Variants in BAIAP2L2 observed in about 807,000 individuals in gnomAD.
BAIAP2L2 encodes the protein BAR/IMD domain-containing adapter protein 2-like 2.
BAIAP2L2 carries 65 observed loss-of-function variants against 60.4 expected under a neutral mutation model. The observed-to-expected ratio is 1.08, with a 90% CI of 0.88 to 1.32. BAIAP2L2 has a LOEUF of 1.32. Among genes scored for constraint, BAIAP2L2 ranks in the 40% most tolerant of loss-of-function variants. The probability of loss-of-function intolerance (pLI) is 0.00; values close to 1 mark genes in which losing one functional copy is unlikely to be tolerated. For synonymous variants in BAIAP2L2, 344 were observed against 301.7 expected, an observed-to-expected ratio of 1.14 and a Z score of -1.45; for missense variants, 836 against 741.2, an observed-to-expected ratio of 1.13 and a Z score of -1.48.
intron 4 of BAIAP2L2, among the ~76,000 whole-genome samples, chr22:38,099,626 G>A (rs2086523647): frequency 6.6e-6 from 1 of 152,200 alleles, no homozygotes; most frequent in Non-Finnish European, 1.5e-5. Flanking sequence ...TGATGCCCTG[G>A]TACCCTGTAT....
Position 38,108,220 on chromosome 22 carries a change from C to G in BAIAP2L2, c.214+35G>C, listed in dbSNP as rs535826547. 122 of 1,591,074 alleles carry G rather than the reference C, an allele frequency of 7.7e-5. No homozygotes were observed. The South Asian group carries it at 1.3e-3, about 16-fold the overall frequency. On this transcript the variant is annotated intron_variant, in intron 3 of 13. Transcript: ENST00000381669. ...AGGGCAAGGGTGCAAAAGGAGGGCCCAAGAATGGGGTCTGCTGTGGAGGGG... is the reference window on the plus strand; with the variant it reads ...AGGGCAAGGGTGCAAAAGGAGGGCCGAAGAATGGGGTCTGCTGTGGAGGGG...
chr22:38,108,181 C>T (rs776846318), intron 3 of BAIAP2L2, 74 bp downstream of exon 3: 332 of 1,403,966 alleles, frequency 2.4e-4, no homozygotes, highest in Non-Finnish European at 3.1e-4. Flanking sequence ...GTCAGGGACT[C>T]GGGACATCCT....
At chr22:38,086,471 G>C in intron 11 of BAIAP2L2, 22 bp from the exon 12 acceptor site, 1 of 1,472,352 alleles carries the variant, frequency 6.8e-7, no homozygotes, top group Non-Finnish European at 9.1e-7. Context: ...GAAAGGAGGG[G>C]GAAGGAAAGG....
rs768122506 is a variant in BAIAP2L2 at position 38,110,425 on chromosome 22, G to A, written c.51+50C>T. ...GTCCTCCAGAGCGGGCCTGATTTCT[G>A]TGCCCTGGGAGGAGGGGCTCAGGCC... On this transcript the variant is annotated intron_variant, in intron 1 of 13. Transcript: ENST00000381669. 2.5e-6 allele frequency: 4 copies of A among 1,576,916 alleles called. No homozygotes were observed. The Admixed American group carries it at 6.9e-5, about 27-fold the overall frequency.
At chr22:38,110,414 G>A in intron 1 of BAIAP2L2, 61 bp downstream of exon 1, 1 of 1,530,758 alleles carries the variant, frequency 6.5e-7, no homozygotes, top group Non-Finnish European at 9.0e-7. Flanking sequence ...TCCAGAGCGG[G>A]CCTGATTTCT....
At chr22:38,109,613 G>A (rs1398692704) in intron 1 of BAIAP2L2, among the ~76,000 whole-genome samples, 1 of 152,172 alleles carries the variant, frequency 6.6e-6, no homozygotes, top group African/African-American at 2.4e-5. Context: ...ACACGCCTGG[G>A]GCTGCCAACA....
At chr22:38,107,795 G>T in intron 4 of BAIAP2L2, 57 bp downstream of exon 4, 1 of 1,533,282 alleles carries the variant, frequency 6.5e-7, no homozygotes, top group Non-Finnish European at 9.0e-7. Context: ...CCCTCTCCTT[G>T]GAACATAGCC....
chr22:38,101,133 GA>G (rs201107859), intron 4 of BAIAP2L2, among the ~76,000 whole-genome samples: 5 of 150,722 alleles, frequency 3.3e-5, no homozygotes, highest in Non-Finnish European at 4.4e-5. Context: ...TACCTCAGTA[GA>G]AAAAAAAACT....
In BAIAP2L2 at chr22:38,089,527, C is replaced by T. The variant is rs2086226810; in HGVS notation, c.760G>A (p.Asp254Asn). 8.2e-7 allele frequency: 1 copy of T among 1,214,532 alleles called. No homozygotes were observed. The highest frequency in any genetic ancestry group is 4.1e-5 in the South Asian group (1 of 24,258). The allele number at this position is 1,214,532 out of a possible 1,614,324, so 75.2% of individuals were successfully genotyped here. A position where few individuals can be genotyped will look rare whatever the true frequency, so the allele number is the denominator to read the frequency against. The change falls in exon 8 of 14, where the codon GAC becomes AAC. Residue 254 changes from aspartate to asparagine, a missense_variant. Asp to Asn is a conservative substitution (Grantham distance 23). Coordinates refer to ENST00000381669, the MANE Select transcript of BAIAP2L2 (RefSeq NM_025045.6). ...GGGGGCGCCCAGGGCCTCACCATGT[C>T]CAGGCAGGTGGGCGTCAGGCGGCCC... ...PSGRLTPTCL[D>N]MPPRPLGEFS...
chr22:38,092,261 T>A (rs1406134579), intron 7 of BAIAP2L2, among the ~76,000 whole-genome samples: 1 of 152,182 alleles, frequency 6.6e-6, no homozygotes, highest in Non-Finnish European at 1.5e-5. Context: ...GTTCTTTAAA[T>A]CTTATTCTAA....
chr22:38,110,538 C>T lies in BAIAP2L2; in HGVS notation c.-13G>A. 1.2e-6 allele frequency: 2 copies of T among 1,607,574 alleles called. No homozygotes were observed. On this transcript the variant is annotated 5_prime_UTR_variant, in exon 1 of 14. Transcript: ENST00000381669. ...TCTCGGGGGCCATGGAGGGGCTGTC[C>T]CGGGTCTGAGCAGGAGGCTGGGAGC...
At chr22:38,109,935 G>A (rs1034555035) in intron 1 of BAIAP2L2, among the ~76,000 whole-genome samples, 35 of 150,450 alleles carry the variant, frequency 2.3e-4, no homozygotes, top group African/African-American at 7.8e-4. Context: ...AGGTGAAAGG[G>A]TCCTGCACAC....
At chr22:38,107,505 C>T (rs1265270169) in intron 4 of BAIAP2L2, among the ~76,000 whole-genome samples, 1 of 152,052 alleles carries the variant, frequency 6.6e-6, no homozygotes, top group Non-Finnish European at 1.5e-5. Context: ...GTGACATGGT[C>T]AGGTCCATGT....
chr22:38,100,526 CAATAAATAAATAAATAAATAAATAAATA>C lies in BAIAP2L2; in HGVS notation c.277-2072_277-2045del, dbSNP rs56224721. ...TGGGCAACAGAGTGGAACTCCGTCT[CAATAAATAAATAAATAAATAAATAAATA>C]AATAAATAAATAAATAAATAAAGCT... On this transcript the variant is annotated intron_variant, in intron 4 of 13. Coordinates refer to ENST00000381669, the MANE Select transcript of BAIAP2L2 (RefSeq NM_025045.6). Among the ~76,000 whole-genome samples the C allele has an allele frequency of 1.1e-3, 157 of 140,044 alleles. 1 individual carries two copies. Among genetic ancestry groups the C allele is most frequent in the African/African-American group, 4.1e-3 (151 of 37,264 alleles). The allele number at this position is 140,044 out of a possible 152,430, so 91.9% of individuals were successfully genotyped here.
intron 3 of BAIAP2L2, 124 bp downstream of exon 3, chr22:38,108,131 A>C (rs2145636569): frequency 9.5e-7 from 1 of 1,057,696 alleles, no homozygotes; most frequent in Middle Eastern, 3.0e-4. Flanking sequence ...TGGGCCCCAG[A>C]ACAAGAGTCT....
chr22:38,107,900 C>A lies in BAIAP2L2; in HGVS notation c.228G>T (p.Val76=). The A allele has an allele frequency of 6.2e-7, 1 of 1,613,522 alleles. No individual in the cohort carries two copies. The highest frequency in any genetic ancestry group is 8.5e-7 in the Non-Finnish European group (1 of 1,179,948). Residue 76 remains valine (V), a synonymous_variant, in exon 4 of 14, where the codon GTG becomes GTT. Coordinates refer to ENST00000381669, the MANE Select transcript of BAIAP2L2 (RefSeq NM_025045.6). ...PTSQILGEIL[V]QMSDTQRHLN... ...AGTGCCGCTGGGTGTCAGACATCTG[C>A]ACCAAGATCTCCCCTGGAGGCATGG...
At chr22:38,094,219 G>A (rs1285989884) in intron 7 of BAIAP2L2, among the ~76,000 whole-genome samples, 2 of 151,846 alleles carry the variant, frequency 1.3e-5, no homozygotes, top group Non-Finnish European at 2.9e-5. Context: ...ACGGAATTTC[G>A]CTCTTGTCCA....
At position 38,088,731 on chromosome 22, in the gene BAIAP2L2, C is replaced by T; in HGVS notation, c.1118+17G>A. The T allele has an allele frequency of 3.2e-6, 5 of 1,546,132 alleles. No homozygotes were observed. Among genetic ancestry groups the T allele is most frequent in the Non-Finnish European group, 3.5e-6 (4 of 1,137,610 alleles). ...TCTTCTCAACCCACCCCCGGCCCCT[C>T]CAAGGCTCCCACTCACGCGGACGAG... On this transcript the variant is annotated intron_variant, in intron 10 of 13. Transcript: ENST00000381669.
chr22:38,095,959 G>A (rs2086417974), intron 7 of BAIAP2L2, among the ~76,000 whole-genome samples: 1 of 152,154 alleles, frequency 6.6e-6, no homozygotes, highest in Admixed American at 6.5e-5. Flanking sequence ...GTTAGCTCAA[G>A]TTATCTAAAA....
Sources: allele counts gnomAD v4.1 joint callset (sites outside exome capture counted in the v4.1 genomes callset), GRCh38; gene constraint gnomAD v4.1.1; transcripts MANE v1.5; gene names NCBI Gene and HGNC (gene_info 2026-07-23, HGNC 2026-07-21).